TDRD12: variants seen among roughly 807,000 people sequenced by gnomAD.
TDRD12 encodes the protein putative ATP-dependent RNA helicase TDRD12.
TDRD12 carries 158 observed loss-of-function variants against 133.5 expected under a neutral mutation model. That is an observed-to-expected ratio of 1.18 (90% CI 1.04 to 1.35). TDRD12 has a LOEUF of 1.35. Among genes scored for constraint, TDRD12 ranks in the 40% most tolerant of loss-of-function variants. TDRD12 has a pLI of 0.00. For missense variants in TDRD12, 1,443 were observed against 1,321.3 expected, an observed-to-expected ratio of 1.09 and a Z score of -1.43; for synonymous variants, 460 against 477.9, an observed-to-expected ratio of 0.96 and a Z score of 0.49.
At chr19:32,822,574 C>T (rs565164446), downstream of TDRD12, among the ~76,000 whole-genome samples, 37 of 152,054 alleles carry the variant, frequency 2.4e-4, no homozygotes, top group African/African-American at 8.4e-4. Flanking sequence ...GGTGAAACCC[C>T]GTCTCTACTA....
chr19:32,826,064 A>G (rs1967578739), downstream of TDRD12: 1 of 1,513,572 alleles, frequency 6.6e-7, no homozygotes, highest in South Asian at 1.2e-5. Context: ...CATATAAATA[A>G]CCTGTAGGAA....
At chr19:32,742,126 C>T (rs969495837) in intron 3 of TDRD12, among the ~76,000 whole-genome samples, 2 of 151,162 alleles carry the variant, frequency 1.3e-5, no homozygotes, top group Non-Finnish European at 2.9e-5. Context: ...TCATTAGTAT[C>T]CAGTATTTGT....
chr19:32,795,373 A>G (rs895842432), intron 14 of TDRD12, among the ~76,000 whole-genome samples: 2 of 151,656 alleles, frequency 1.3e-5, no homozygotes, highest in Non-Finnish European at 2.9e-5. Context: ...GAAAAAATGG[A>G]TATCGAGTGT....
chr19:32,829,545 T>C (rs1568505805), downstream of TDRD12: 1 of 152,264 alleles, frequency 6.6e-6, no homozygotes, highest in African/African-American at 2.4e-5. Flanking sequence ...TCTTCCGCAG[T>C]GTATCATCAA....
intron 9 of TDRD12, 24 bp from the exon 32 acceptor site, chr19:32,826,659 A>G (rs1967601021): frequency 3.3e-6 from 4 of 1,228,592 alleles, no homozygotes; most frequent in Non-Finnish European, 3.0e-6. Context: ...TCACGCGCTC[A>G]CTGTCAGCTG....
At chr19:32,817,911 C>T in intron 26 of TDRD12, among the ~76,000 whole-genome samples, 178 bp from the exon 27 acceptor site, 1 of 127,322 alleles carries the variant, frequency 7.9e-6, no homozygotes, top group Non-Finnish European at 1.6e-5. Flanking sequence ...TCTGGCCCAG[C>T]CCACCCAGGC....
Position 32,739,012 on chromosome 19 carries a change from A to G in TDRD12, c.320+20A>G. 2 of 1,549,382 alleles carry G rather than the reference A, an allele frequency of 1.3e-6. No individual in the cohort carries two copies. Among genetic ancestry groups the G allele is most frequent in the Non-Finnish European group, 1.7e-6 (2 of 1,146,610 alleles). On this transcript the variant is annotated intron_variant, in intron 3 of 27. Coordinates refer to ENST00000444215, the Ensembl canonical transcript of TDRD12. ...TAAAAAGTATGTACATGTTTATCTC[A>G]CCTTACGCTCTTTTCAGAGACAAAT...
At chr19:32,731,933 A>C in intron 2 of TDRD12, 50 bp downstream of exon 2, 1 of 1,455,502 alleles carries the variant, frequency 6.9e-7, no homozygotes, top group Non-Finnish European at 9.1e-7. Flanking sequence ...CACCACTCAA[A>C]ATATAAACTA....
intron 11 of TDRD12, among the ~76,000 whole-genome samples, chr19:32,777,866 T>A (rs1346514210): frequency 1.6e-5 from 1 of 63,344 alleles, no homozygotes; most frequent in African/African-American, 5.3e-5. Flanking sequence ...TATTTTTTTT[T>A]TTTTTTTTTT....
intron 22 of TDRD12, among the ~76,000 whole-genome samples, chr19:32,809,317 T>G (rs1966918553): frequency 6.6e-6 from 1 of 152,202 alleles, no homozygotes; most frequent in South Asian, 2.1e-4. Context: ...CTTGTTGCAC[T>G]GGCTGAGCCC....
intron 11 of TDRD12, among the ~76,000 whole-genome samples, chr19:32,777,899 G>A (rs1318857295): frequency 9.2e-6 from 1 of 109,250 alleles, no homozygotes; most frequent in African/African-American, 3.5e-5. Context: ...TTTGTAGGAC[G>A]AGGGTCTCGC....
intron 11 of TDRD12, among the ~76,000 whole-genome samples, chr19:32,785,887 T>C (rs1441616977): frequency 6.6e-6 from 1 of 152,208 alleles, no homozygotes; most frequent in African/African-American, 2.4e-5. Context: ...TTATCCAATT[T>C]GCCAGTCTGT....
intron 2 of TDRD12, among the ~76,000 whole-genome samples, chr19:32,738,572 T>A (rs779742765): frequency 6.6e-6 from 1 of 152,222 alleles, no homozygotes; most frequent in African/African-American, 2.4e-5. Flanking sequence ...TCCCAGCACT[T>A]TGGGAGGCTG....
intron 10 of TDRD12, among the ~76,000 whole-genome samples, chr19:32,774,140 T>C (rs1454624001): frequency 2.0e-5 from 3 of 152,228 alleles, no homozygotes; most frequent in Non-Finnish European, 4.4e-5. Context: ...GCAGAAAGGA[T>C]GTAATGTTGT....
chr19:32,826,467 TAC>T lies in TDRD12; in HGVS notation c.919_920del (p.Tyr307SerfsTer3), dbSNP rs1967593241. 2.4e-6 allele frequency: 3 copies of T among 1,249,948 alleles called. No homozygotes were observed. The East Asian group carries it at 9.1e-5, about 38-fold the overall frequency. The allele number at this position is 1,249,948 out of a possible 1,614,324, so 77.4% of individuals were successfully genotyped here. ...CAGTGCTTGGGTGGGAGACAAATTT[TAC>T]CTGGCTGATCTGGAGCTGCGGGGCA... On this transcript the variant is annotated frameshift_variant, in exon 9 of 10. Transcript: ENST00000637289. LOFTEE classifies it high-confidence loss of function.
In TDRD12 at chr19:32,767,614, AG is replaced by A. The variant is rs386808713; in HGVS notation, c.866-5137del. 2.8e-3 allele frequency among the ~76,000 whole-genome samples: 431 copies of A among 152,216 alleles called. 1 individual carries two copies. Among genetic ancestry groups the A allele is most frequent in the African/African-American group, 9.6e-3 (397 of 41,528 alleles). The stretch of plus-strand genomic sequence containing the variant: ...TGTCTTGTTGGCCTTGCCATCCTGA[AG>A]GTTTTGCCGCCATCCTCCTATTCAA... On this transcript the variant is annotated intron_variant, in intron 8 of 27. Transcript: ENST00000444215.
intron 2 of TDRD12, among the ~76,000 whole-genome samples, chr19:32,737,935 C>T (rs12975958): frequency 0.5 from 75,584 of 151,438 alleles, 18,990 homozygotes; most frequent in African/African-American, 0.55. Flanking sequence ...GAGTTCGAGG[C>T]CATCCTGACC....
chr19:32,807,398 C>A, intron 21 of TDRD12, 151 bp from the exon 22 acceptor site: 1 of 381,872 alleles, frequency 2.6e-6, no homozygotes, highest in Non-Finnish European at 4.6e-6. Flanking sequence ...TTAATGTCAT[C>A]TGAAATATTT....
intron 3 of TDRD12, among the ~76,000 whole-genome samples, chr19:32,740,219 A>G (rs111166774): frequency 3.5e-4 from 17 of 47,920 alleles, no homozygotes; most frequent in African/African-American, 6.0e-4. Context: ...TCTCCTGGGT[A>G]CTCTCTGCAT....
Sources: gnomAD v4.1 joint callset for allele counts (sites outside exome capture counted in the v4.1 genomes callset) on GRCh38, gnomAD v4.1.1 for gene constraint, MANE v1.5 for transcripts, NCBI Gene and HGNC (gene_info 2026-07-23, HGNC 2026-07-21) for gene names.